The following FAAH2 variants were observed in gnomAD, a reference collection of about 807,000 sequenced individuals.
The protein encoded by FAAH2 is fatty acid amide hydrolase 2, also known as fatty-acid amide hydrolase 2.
In FAAH2, 60 loss-of-function variants were observed where a neutral mutation model predicts 36.9. The ratio of observed to expected loss-of-function variants is 1.63; its 90% CI spans 1.32 to 2.02. FAAH2 has a LOEUF of 2.02. Among genes scored for constraint, FAAH2 ranks in the 30% most tolerant of loss-of-function variants. The pLI is 0.00. For missense variants in FAAH2, 689 were observed against 397.5 expected, an observed-to-expected ratio of 1.73 and a Z score of -6.23; for synonymous variants, 214 against 143.8, an observed-to-expected ratio of 1.49 and a Z score of -3.49.
intron 7 of FAAH2, among the ~76,000 whole-genome samples, chrX:57,390,653 A>T (rs958422919): frequency 2.7e-5 from 3 of 111,579 alleles, no homozygotes; most frequent in African/African-American, 9.8e-5. Context: ...TGCAAAGGGC[A>T]TGCTTTCATT....
At position 57,414,811 on chromosome X, in the gene FAAH2, C is replaced by T. The variant is rs185701598; in HGVS notation, c.997-17107C>T. On this transcript the variant is annotated intron_variant, in intron 7 of 10. Coordinates refer to ENST00000374900, the MANE Select transcript of FAAH2 (RefSeq NM_174912.4). ...AAATGGTATCAACTCCTCCTTGTACCTCTGGTAGAATTTGACTGTAAATTC... is the reference window on the plus strand; with the variant it reads ...AAATGGTATCAACTCCTCCTTGTACTTCTGGTAGAATTTGACTGTAAATTC... Among the ~76,000 whole-genome samples the T allele has an allele frequency of 6.2e-3, 658 of 105,776 alleles. 5 individuals are homozygous for T. The highest frequency in any genetic ancestry group is 1.0e-2 in the Middle Eastern group (2 of 201). The allele number at this position is 105,776 out of a possible 115,157, so 91.9% of individuals were successfully genotyped here.
chrX:57,158,190 A>G, the FAAH2 span, among the ~76,000 whole-genome samples: 11 of 111,787 alleles, frequency 9.8e-5, no homozygotes, highest in African/African-American at 3.3e-4. Flanking sequence ...ATCATTTTTT[A>G]TGGCTGCATA....
chrX:57,184,702 T>C, the FAAH2 span, among the ~76,000 whole-genome samples: 1 of 112,580 alleles, frequency 8.9e-6, no homozygotes, highest in Admixed American at 9.4e-5. Context: ...GAATTTGTAC[T>C]TGTAAAACTT....
At chrX:57,366,670 A>T (rs1387397476) in intron 5 of FAAH2, among the ~76,000 whole-genome samples, 4 of 112,292 alleles carry the variant, frequency 3.6e-5, no homozygotes, top group African/African-American at 6.5e-5. Context: ...GTGCTGCTGG[A>T]AGTCTGTCTG....
chrX:57,180,990 A>G, the FAAH2 span, among the ~76,000 whole-genome samples: 64 of 112,171 alleles, frequency 5.7e-4, no homozygotes, highest in Middle Eastern at 4.6e-3. Flanking sequence ...CAAGTCAATA[A>G]ACATGATTTA....
chrX:57,369,666 T>A (rs1266471207), intron 5 of FAAH2, among the ~76,000 whole-genome samples: 1 of 111,595 alleles, frequency 9.0e-6, no homozygotes, highest in Non-Finnish European at 1.9e-5. Flanking sequence ...CAAACAAAAG[T>A]TGAGGAAACT....
At chrX:57,228,966 G>T in the FAAH2 span, 1 of 111,626 alleles carries the variant, frequency 9.0e-6, no homozygotes, top group Non-Finnish European at 1.9e-5. Flanking sequence ...TTTGGATTCA[G>T]ATCCATATTT....
chrX:57,157,372 C>T, the FAAH2 span, among the ~76,000 whole-genome samples: 1 of 111,895 alleles, frequency 8.9e-6, no homozygotes, highest in African/African-American at 3.2e-5. Flanking sequence ...CAGGCAATGG[C>T]AAATTGGGCC....
chrX:57,243,319 G>A, the FAAH2 span, among the ~76,000 whole-genome samples: 42 of 111,907 alleles, frequency 3.8e-4, no homozygotes, highest in Admixed American at 3.0e-3. Context: ...GGCTGTGGGC[G>A]CAACTTCAGC....
chrX:57,275,471 C>A, the FAAH2 span, among the ~76,000 whole-genome samples: 1 of 111,917 alleles, frequency 8.9e-6, no homozygotes, highest in Non-Finnish European at 1.9e-5. Flanking sequence ...TGCAAAAACA[C>A]GCCAAATTGT....
chrX:57,304,178 G>T (rs760099379), intron 2 of FAAH2, among the ~76,000 whole-genome samples: 1 of 111,967 alleles, frequency 8.9e-6, no homozygotes, highest in Non-Finnish European at 1.9e-5. Context: ...CTGCACTCCA[G>T]CCTGGCCGAC....
chrX:57,376,811 G>A (rs774474745), intron 5 of FAAH2, among the ~76,000 whole-genome samples: 9 of 112,031 alleles, frequency 8.0e-5, no homozygotes, highest in Non-Finnish European at 1.7e-4. Flanking sequence ...ATTCTCTCCA[G>A]CATCTATTGT....
chrX:57,194,963 G>A, the FAAH2 span, among the ~76,000 whole-genome samples: 1 of 111,463 alleles, frequency 9.0e-6, no homozygotes, highest in African/African-American at 3.3e-5. Context: ...GTGTATGTGT[G>A]TGTGTGTGTG....
chrX:57,292,374 C>T, intron 1 of FAAH2, 124 bp from the exon 2 acceptor site: 2 of 568,024 alleles, frequency 3.5e-6, no homozygotes, highest in South Asian at 6.7e-5. Flanking sequence ...GGGGACTACA[C>T]TGTGTAATTC....
the FAAH2 span, among the ~76,000 whole-genome samples, chrX:57,236,624 C>T: frequency 8.9e-6 from 1 of 111,944 alleles, no homozygotes; most frequent in Non-Finnish European, 1.9e-5. Context: ...TTCTTATATG[C>T]CTGCTGGCCC....
chrX:57,131,838 A>T, the FAAH2 span, among the ~76,000 whole-genome samples: 21 of 112,145 alleles, frequency 1.9e-4, no homozygotes, highest in Non-Finnish European at 1.9e-5. Flanking sequence ...GAGGAAAAAA[A>T]AACTTTTGAA....
At chrX:57,302,818 A>G (rs947329810) in intron 2 of FAAH2, among the ~76,000 whole-genome samples, 1 of 111,063 alleles carries the variant, frequency 9.0e-6, no homozygotes, top group Non-Finnish European at 1.9e-5. Flanking sequence ...ATCTGGTGTC[A>G]CAGCCACCCT....
At chrX:57,382,566 G>A in intron 7 of FAAH2, among the ~76,000 whole-genome samples, 1 of 111,812 alleles carries the variant, frequency 8.9e-6, no homozygotes, top group South Asian at 3.8e-4. Flanking sequence ...AAATAAACTA[G>A]AAAATCTAGA....
At chrX:57,396,038 A>T (rs1421298531) in intron 7 of FAAH2, among the ~76,000 whole-genome samples, 1 of 111,969 alleles carries the variant, frequency 8.9e-6, no homozygotes, top group Non-Finnish European at 1.9e-5. Flanking sequence ...TGGTCTGTTT[A>T]GGATTTCCAT....
Sources: allele counts gnomAD v4.1 joint callset (sites outside exome capture counted in the v4.1 genomes callset), GRCh38; gene constraint gnomAD v4.1.1; transcripts MANE v1.5; gene names NCBI Gene and HGNC (gene_info 2026-07-23, HGNC 2026-07-21).